The following INSYN2B variants were observed in gnomAD, a reference collection of about 807,000 sequenced individuals.
INSYN2B encodes the protein protein INSYN2B.
A neutral mutation model predicts 41.2 loss-of-function variants in INSYN2B; 16 were observed. The ratio of observed to expected loss-of-function variants is 0.39; its 90% CI spans 0.26 to 0.59. INSYN2B has a LOEUF of 0.59. Among genes scored for constraint, INSYN2B ranks in the 20% least tolerant of loss-of-function variants. The pLI, the probability that INSYN2B is intolerant of heterozygous loss-of-function variation, is 0.57. For synonymous variants in INSYN2B, 245 were observed against 244.4 expected (o/e 1.00, Z -0.02); for missense variants, 608 against 646.4 (o/e 0.94, Z 0.64).
intron 1 of INSYN2B, among the ~76,000 whole-genome samples, chr5:169,946,984 A>T (rs1190590789): frequency 6.6e-6 from 1 of 152,216 alleles, no homozygotes; most frequent in East Asian, 1.9e-4. Flanking sequence ...AATGAAGGCC[A>T]GGGGGTTTGG....
At chr5:169,976,107 C>G (rs1342034614) in intron 1 of INSYN2B, among the ~76,000 whole-genome samples, 1 of 152,106 alleles carries the variant, frequency 6.6e-6, no homozygotes, top group Non-Finnish European at 1.5e-5. Context: ...ATGGGAAATT[C>G]TATAATAAAT....
At chr5:169,939,955 T>C (rs1038810621) in intron 1 of INSYN2B, among the ~76,000 whole-genome samples, 10 of 152,216 alleles carry the variant, frequency 6.6e-5, no homozygotes, top group Non-Finnish European at 1.5e-4. Flanking sequence ...TTAAGTGTCT[T>C]GCTTAAGGAT....
chr5:169,918,217 A>G (rs921089885), intron 1 of INSYN2B, among the ~76,000 whole-genome samples: 1 of 152,210 alleles, frequency 6.6e-6, no homozygotes, highest in African/African-American at 2.4e-5. Context: ...GAGACTGCAC[A>G]TCCTGTTTTG....
intron 3 of INSYN2B, among the ~76,000 whole-genome samples, chr5:169,871,653 A>G (rs1771981689): frequency 1.3e-5 from 2 of 152,194 alleles, no homozygotes; most frequent in Non-Finnish European, 2.9e-5. Context: ...GACTGAAATA[A>G]CATAGTAATC....
At chr5:169,864,818 C>G (rs1771440789) in intron 3 of INSYN2B, among the ~76,000 whole-genome samples, 1 of 152,088 alleles carries the variant, frequency 6.6e-6, no homozygotes, top group African/African-American at 2.4e-5. Context: ...TGAGATAATG[C>G]AGAGGAACAG....
At chr5:169,890,667 G>C (rs189593269) in intron 1 of INSYN2B, among the ~76,000 whole-genome samples, 2 of 152,312 alleles carry the variant, frequency 1.3e-5, no homozygotes, top group East Asian at 1.9e-4. Flanking sequence ...GGGTTGACTT[G>C]AGGAAAAAAT....
chr5:169,891,218 G>A (rs1163018733), intron 1 of INSYN2B, among the ~76,000 whole-genome samples: 2 of 152,018 alleles, frequency 1.3e-5, no homozygotes, highest in Non-Finnish European at 2.9e-5. Flanking sequence ...ATCCTTCCAA[G>A]CCTGTTATCT....
intron 1 of INSYN2B, among the ~76,000 whole-genome samples, chr5:169,928,012 A>G (rs564175496): frequency 6.6e-6 from 1 of 152,262 alleles, no homozygotes; most frequent in South Asian, 2.1e-4. Context: ...TCACAGATCC[A>G]TGTGTGTGTA....
At chr5:169,920,367 A>G (rs1021352358) in intron 1 of INSYN2B, among the ~76,000 whole-genome samples, 1 of 152,226 alleles carries the variant, frequency 6.6e-6, no homozygotes, top group Non-Finnish European at 1.5e-5. Flanking sequence ...TTTCAGAAAC[A>G]CCAAGGGGAA....
chr5:169,865,155 A>G (rs1354686279), intron 3 of INSYN2B, among the ~76,000 whole-genome samples: 1 of 152,178 alleles, frequency 6.6e-6, no homozygotes, highest in Admixed American at 6.5e-5. Flanking sequence ...TCCTCTACTG[A>G]TGGATGGACA....
In INSYN2B at chr5:169,863,972, C is replaced by A. The variant is rs1186720463; in HGVS notation, c.*301G>T. The stretch of plus-strand genomic sequence containing the variant: ...GGAAGGTGTAGTGTGGGGTTTTGCT[C>A]GTGGTGGGAATCTGGTCTTAAAACT... On this transcript the variant is annotated 3_prime_UTR_variant, in exon 4 of 4. Coordinates refer to ENST00000377365, the MANE Select transcript of INSYN2B (RefSeq NM_001129891.3). Among the ~76,000 whole-genome samples the A allele has an allele frequency of 6.6e-6, 1 of 152,078 alleles. No homozygotes were observed. The highest frequency in any genetic ancestry group is 2.4e-5 in the African/African-American group (1 of 41,402).
At chr5:169,966,489 A>G (rs920320034) in intron 1 of INSYN2B, among the ~76,000 whole-genome samples, 3 of 152,210 alleles carry the variant, frequency 2.0e-5, no homozygotes, top group Non-Finnish European at 2.9e-5. Context: ...ATCACATTCA[A>G]TCTATATAAG....
At chr5:169,940,159 T>G (rs2113703556) in intron 1 of INSYN2B, among the ~76,000 whole-genome samples, 1 of 152,314 alleles carries the variant, frequency 6.6e-6, no homozygotes, top group South Asian at 2.1e-4. Flanking sequence ...TTTCTGTGTG[T>G]GTATTCTACA....
chr5:169,885,217 T>C (rs1247655784), intron 1 of INSYN2B, among the ~76,000 whole-genome samples: 2 of 152,194 alleles, frequency 1.3e-5, no homozygotes, highest in Admixed American at 6.5e-5. Context: ...TAAGCATTTG[T>C]GTATGTATTT....
At chr5:169,864,488 A>T (rs1463896414) in intron 3 of INSYN2B, 29 bp from the exon 4 acceptor site, 2 of 1,480,330 alleles carry the variant, frequency 1.4e-6, no homozygotes, top group Non-Finnish European at 9.0e-7. Flanking sequence ...AAGGAAGGAA[A>T]GTGAATTCGA....
intron 1 of INSYN2B, among the ~76,000 whole-genome samples, chr5:169,901,984 A>G (rs76985651): frequency 0.042 from 6,370 of 152,324 alleles, 169 homozygotes; most frequent in Non-Finnish European, 0.062. Context: ...ATACCATATC[A>G]GGCATTGGCC....
intron 2 of INSYN2B, among the ~76,000 whole-genome samples, chr5:169,881,977 G>A (rs773000973): frequency 6.6e-6 from 1 of 152,176 alleles, no homozygotes; most frequent in Non-Finnish European, 1.5e-5. Flanking sequence ...ACCCAGGAAA[G>A]CATTTTGTGA....
At position 169,975,560 on chromosome 5, in the gene INSYN2B, G is replaced by A. The variant is rs144380153; in HGVS notation, c.-919+4717C>T. 5.4e-3 allele frequency among the ~76,000 whole-genome samples: 824 copies of A among 152,120 alleles called. 1 individual carries two copies. The highest frequency in any genetic ancestry group is 9.5e-3 in the Non-Finnish European group (647 of 68,004). ...ACGCTCCAAGCACATCCCACTTCGG[G>A]GCCTTTGCATCTACTGTTCTGCCAG... is the stretch of plus-strand genomic sequence containing the variant. On this transcript the variant is annotated intron_variant, in intron 1 of 3. Coordinates refer to ENST00000377365, the MANE Select transcript of INSYN2B (RefSeq NM_001129891.3).
intron 1 of INSYN2B, among the ~76,000 whole-genome samples, chr5:169,960,660 A>G (rs560596615): frequency 6.6e-6 from 1 of 152,304 alleles, no homozygotes; most frequent in South Asian, 2.1e-4. Flanking sequence ...TTGTGTGGTA[A>G]TATTCGGGTC....
Sources: allele counts gnomAD v4.1 joint callset (sites outside exome capture counted in the v4.1 genomes callset), GRCh38; gene constraint gnomAD v4.1.1; transcripts MANE v1.5; gene names NCBI Gene and HGNC (gene_info 2026-07-23, HGNC 2026-07-21).